Variants in FSHR observed in about 807,000 individuals in gnomAD.
FSHR encodes follicle-stimulating hormone receptor.
Under a neutral mutation model 52.1 loss-of-function variants are expected in FSHR, and 46 were observed. The ratio of observed to expected loss-of-function variants is 0.88; its 90% CI spans 0.70 to 1.13. The LOEUF is 1.13. Ranked by LOEUF, FSHR falls within the 50% of genes most tolerant of loss-of-function variation. The pLI is 0.00. For missense variants in FSHR, 964 were observed against 834.6 expected (o/e 1.16, Z -1.91); for synonymous variants, 399 against 309.6 (o/e 1.29, Z -3.03).
chr2:49,072,294 A>G (rs1390889039), intron 1 of FSHR, among the ~76,000 whole-genome samples: 1 of 152,176 alleles, frequency 6.6e-6, no homozygotes, highest in Non-Finnish European at 1.5e-5. Context: ...CAAAGAAGAC[A>G]TCGCAATTAT....
chr2:49,059,528 A>G (rs1180362097), intron 2 of FSHR: 1 of 152,500 alleles, frequency 6.6e-6, no homozygotes, highest in Non-Finnish European at 1.5e-5. Flanking sequence ...TTCACTGGAG[A>G]AAGGACGGTT....
At position 49,044,459 on chromosome 2, in the gene FSHR, C is replaced by G. The variant is rs930331529; in HGVS notation, c.224+23760G>C. 2.6e-5 allele frequency among the ~76,000 whole-genome samples: 4 copies of G among 152,164 alleles called. No homozygotes were observed. In the South Asian group the frequency reaches 8.3e-4, roughly 32 times the overall value. ...TTGCTGCTATAAACTTGATGAATGG[C>G]TTGTGGAGGAAGGGCATTAAATGGC... On this transcript the variant is annotated intron_variant, in intron 2 of 9. Coordinates refer to ENST00000406846, the MANE Select transcript of FSHR (RefSeq NM_000145.4).
At chr2:49,064,543 T>A (rs1237969662) in intron 2 of FSHR, among the ~76,000 whole-genome samples, 2 of 152,072 alleles carry the variant, frequency 1.3e-5, no homozygotes, top group African/African-American at 4.8e-5. Flanking sequence ...CAAGTCTCCA[T>A]AACTGTAAGA....
At chr2:49,047,703 G>T (rs1051335475) in intron 2 of FSHR, among the ~76,000 whole-genome samples, 4 of 152,110 alleles carry the variant, frequency 2.6e-5, no homozygotes, top group Admixed American at 2.6e-4. Context: ...TTAGACTTTT[G>T]GTGTCAATAA....
At chr2:49,068,558 A>C (rs185076294) in intron 1 of FSHR, among the ~76,000 whole-genome samples, 173 of 152,210 alleles carry the variant, frequency 1.1e-3, no homozygotes, top group African/African-American at 3.9e-3. Flanking sequence ...ACAGAGATGG[A>C]ATATGAACCT....
chr2:49,005,111 AT>A (rs1481688332), intron 4 of FSHR, among the ~76,000 whole-genome samples: 5 of 152,174 alleles, frequency 3.3e-5, no homozygotes, highest in Admixed American at 6.5e-5. Flanking sequence ...GTTGATATAA[AT>A]TGATGGATCA....
At chr2:49,036,825 G>C (rs1447437626) in intron 2 of FSHR, among the ~76,000 whole-genome samples, 1 of 152,186 alleles carries the variant, frequency 6.6e-6, no homozygotes, top group Non-Finnish European at 1.5e-5. Flanking sequence ...ATGGAAGTCT[G>C]AGACAAAAGC....
chr2:48,970,502 T>C (rs1169210058), intron 8 of FSHR, among the ~76,000 whole-genome samples: 1 of 151,424 alleles, frequency 6.6e-6, no homozygotes, highest in African/African-American at 2.4e-5. Context: ...TTGACTTCTT[T>C]CTGATGCTTT....
chr2:48,984,603 T>C (rs1269173887), intron 6 of FSHR, among the ~76,000 whole-genome samples: 2 of 151,740 alleles, frequency 1.3e-5, no homozygotes, highest in African/African-American at 4.8e-5. Context: ...TTTTTTGTAA[T>C]ATAGGCCTAA....
chr2:48,969,387 TAGCAC>T (rs1208841827), intron 8 of FSHR, among the ~76,000 whole-genome samples: 4 of 152,190 alleles, frequency 2.6e-5, no homozygotes. Context: ...GGGGCAGTGT[TAGCAC>T]AAAGTCCAAG....
intron 8 of FSHR, 28 bp from the exon 9 acceptor site, chr2:48,968,911 G>C (rs531279105): frequency 6.3e-7 from 1 of 1,599,840 alleles, no homozygotes; most frequent in African/African-American, 1.3e-5. Context: ...AAATATAACA[G>C]GATTACTATG....
At chr2:49,014,655 CT>C in intron 4 of FSHR, 1 of 263,288 alleles carries the variant, frequency 3.8e-6, no homozygotes, top group Non-Finnish European at 7.5e-6. Flanking sequence ...TTCTGAATCC[CT>C]TGGTTTCAAA....
At chr2:49,068,934 T>C (rs1044529434) in intron 1 of FSHR, among the ~76,000 whole-genome samples, 1 of 152,074 alleles carries the variant, frequency 6.6e-6, no homozygotes, top group Non-Finnish European at 1.5e-5. Context: ...TTCACCTTTT[T>C]CCCCTTCTTT....
intron 1 of FSHR, among the ~76,000 whole-genome samples, chr2:49,081,303 C>T (rs1403602661): frequency 1.3e-5 from 2 of 151,994 alleles, no homozygotes; most frequent in Non-Finnish European, 2.9e-5. Context: ...AGTATAGTCA[C>T]TTCTGTGACA....
chr2:49,127,859 C>CTTT, intron 1 of FSHR, among the ~76,000 whole-genome samples: 1 of 35,234 alleles, frequency 2.8e-5, no homozygotes, highest in Non-Finnish European at 4.2e-5. Flanking sequence ...TCTTCTTCTT[C>CTTT]TTCTTCTTCT....
At chr2:49,139,517 T>A (rs1672601425) in intron 1 of FSHR, among the ~76,000 whole-genome samples, 1 of 152,026 alleles carries the variant, frequency 6.6e-6, no homozygotes, top group African/African-American at 2.4e-5. Flanking sequence ...TGGAGTGTCA[T>A]GAAATTAGGG....
intron 1 of FSHR, among the ~76,000 whole-genome samples, chr2:49,081,605 T>A (rs773892262): frequency 6.6e-6 from 1 of 152,156 alleles, no homozygotes; most frequent in Non-Finnish European, 1.5e-5. Context: ...TACCTCCCCA[T>A]AAAGTGCCTG....
chr2:49,025,464 A>C (rs183988874), intron 2 of FSHR, among the ~76,000 whole-genome samples: 1 of 152,232 alleles, frequency 6.6e-6, no homozygotes, highest in Non-Finnish European at 1.5e-5. Context: ...ATGTGCATAT[A>C]GTAATTCATA....
At chr2:49,079,003 A>G (rs908652677) in intron 1 of FSHR, among the ~76,000 whole-genome samples, 1 of 152,122 alleles carries the variant, frequency 6.6e-6, no homozygotes, top group Non-Finnish European at 1.5e-5. Flanking sequence ...CACACACACA[A>G]AGCCTACTCT....
Sources: gnomAD v4.1 joint callset for allele counts (sites outside exome capture counted in the v4.1 genomes callset) on GRCh38, gnomAD v4.1.1 for gene constraint, MANE v1.5 for transcripts, NCBI Gene and HGNC (gene_info 2026-07-23, HGNC 2026-07-21) for gene names.